ATP1A4: variants seen among roughly 807,000 people sequenced by gnomAD.
ATP1A4 encodes sodium/potassium-transporting ATPase subunit alpha-4.
In ATP1A4, 90 loss-of-function variants were observed where a neutral mutation model predicts 114.3. The ratio of observed to expected loss-of-function variants is 0.79; its 90% CI spans 0.66 to 0.94. The LOEUF is 0.94. Among genes scored for constraint, ATP1A4 ranks in the 40% least tolerant of loss-of-function variants. The pLI is 0.00. For synonymous variants in ATP1A4, 511 were observed against 494.1 expected (o/e 1.03, Z -0.45); for missense variants, 1,222 against 1,313.6 (o/e 0.93, Z 1.08).
At chr1:160,162,506 G>A (rs540366668) in intron 6 of ATP1A4, among the ~76,000 whole-genome samples, 1 of 152,192 alleles carries the variant, frequency 6.6e-6, no homozygotes, top group Non-Finnish European at 1.5e-5. Flanking sequence ...CAGGGAGGGG[G>A]CGCAAGTTAC....
At chr1:160,171,486 G>T (rs565871378) in intron 11 of ATP1A4, 46 bp downstream of exon 11, 1 of 1,607,014 alleles carries the variant, frequency 6.2e-7, no homozygotes, top group Non-Finnish European at 8.5e-7. Context: ...CATCAAAATG[G>T]TTATTATCCC....
chr1:160,153,529 T>C (rs1652531489), intron 2 of ATP1A4, among the ~76,000 whole-genome samples: 1 of 152,256 alleles, frequency 6.6e-6, no homozygotes. Context: ...GAACTTGTGC[T>C]TATGTGGCTT....
In ATP1A4 at chr1:160,152,122, A is replaced by G. The variant is rs967132042; in HGVS notation, c.82A>G (p.Lys28Glu). The G allele has an allele frequency of 1.2e-6, 2 of 1,612,862 alleles. No individual in the cohort carries two copies. The highest frequency in any genetic ancestry group is 1.3e-5 in the African/African-American group (1 of 74,870). Residue 28 changes from lysine (K) to glutamate (E), a missense_variant, in exon 1 of 22, where the codon AAA (lysine) becomes GAA (glutamate). Physicochemically the swap from Lys to Glu is moderately conservative, Grantham distance 56. Transcript: ENST00000368081. ...RRRPKKGLIK[K>E]KMVKREKQKR... ...AAGACCTAAAAAAGGGCTTATCAAG[A>G]AAAAAATGGTGAAGAGGGAAAAACA...
At chr1:160,160,457 T>G (rs1010521194) in intron 6 of ATP1A4, among the ~76,000 whole-genome samples, 1 of 152,202 alleles carries the variant, frequency 6.6e-6, no homozygotes, top group South Asian at 2.1e-4. Flanking sequence ...CCTCAAGTGA[T>G]CTGCCCTCCT....
At chr1:160,163,497 G>A (rs979030647) in intron 6 of ATP1A4, among the ~76,000 whole-genome samples, 1 of 152,044 alleles carries the variant, frequency 6.6e-6, no homozygotes, top group African/African-American at 2.4e-5. Context: ...ACCTTACTTA[G>A]GTTTACCCAT....
At chr1:160,177,876 T>G (rs1037749498) in intron 18 of ATP1A4, among the ~76,000 whole-genome samples, 2 of 152,244 alleles carry the variant, frequency 1.3e-5, no homozygotes, top group African/African-American at 4.8e-5. Flanking sequence ...AGGCTCATTC[T>G]GGTTGGCTCC....
Position 160,163,719 on chromosome 1 carries a change from G to A in ATP1A4, c.779-437G>A, listed in dbSNP as rs548005068. Among the ~76,000 whole-genome samples, 16 of 152,104 alleles carry A rather than the reference G, an allele frequency of 1.1e-4. No homozygotes were observed. The South Asian group carries it at 2.7e-3, about 26-fold the overall frequency. On this transcript the variant is annotated intron_variant, in intron 6 of 21. Coordinates refer to ENST00000368081, the MANE Select transcript of ATP1A4 (RefSeq NM_144699.4). Reference sequence around the variant, plus strand: ...GAGATTTCATTACATAGGTATAATCGGTTACATTATTAGCCATTGGTGATC... The same window carrying A: ...GAGATTTCATTACATAGGTATAATCAGTTACATTATTAGCCATTGGTGATC...
chr1:160,166,574 T>C lies in ATP1A4; in HGVS notation c.1094T>C (p.Leu365Pro). ...AAGCGCATGGCGCGGAAGAACTGCC[T>C]GGTGAAGAACCTGGAGGCGGTGGAG... ...TAKRMARKNCLVKNLEAVETL... is the reference protein window; with the variant it reads ...TAKRMARKNCPVKNLEAVETL... Residue 365 changes from leucine (L) to proline (P), a missense_variant, in exon 8 of 22, where the codon CTG (leucine) becomes CCG (proline). Leu to Pro is a moderately conservative substitution (Grantham distance 98). Transcript: ENST00000368081. 1 of 1,614,270 alleles carries C rather than the reference T, an allele frequency of 6.2e-7. No individual in the cohort carries two copies. Among genetic ancestry groups the C allele is most frequent in the Non-Finnish European group, 8.5e-7 (1 of 1,180,048 alleles).
chr1:160,185,560 T>A (rs933366984), intron 20 of ATP1A4, among the ~76,000 whole-genome samples: 1 of 151,014 alleles, frequency 6.6e-6, no homozygotes, highest in South Asian at 2.1e-4. Context: ...CTGAGGCGGG[T>A]GGACTGCCTG....
rs1360530867 is a variant in ATP1A4 at position 160,159,441 on chromosome 1, A to G, written c.693A>G (p.Glu231=). 2.5e-6 allele frequency: 4 copies of G among 1,613,482 alleles called. No individual in the cohort carries two copies. Among genetic ancestry groups the G allele is most frequent in the East Asian group, 2.2e-5 (1 of 44,872 alleles). Residue 231 remains glutamate (E), a synonymous_variant, in exon 6 of 22, where the codon GAA becomes GAG. Coordinates refer to ENST00000368081, the MANE Select transcript of ATP1A4 (RefSeq NM_144699.4). ...ACTCATCCTTGACTGGGGAGTCAGA[A>G]CCCCAGAGCCGCTCCCCTGACTTCA... ...VDNSSLTGES[E]PQSRSPDFTH...
At chr1:160,183,987 C>G (rs954582755) in intron 20 of ATP1A4, among the ~76,000 whole-genome samples, 1 of 141,634 alleles carries the variant, frequency 7.1e-6, no homozygotes, top group Non-Finnish European at 1.5e-5. Context: ...GAGTGTCACT[C>G]TGTTGCCCAG....
At chr1:160,179,432 AT>A (rs1334151780) in intron 18 of ATP1A4, among the ~76,000 whole-genome samples, 1 of 152,234 alleles carries the variant, frequency 6.6e-6, no homozygotes, top group African/African-American at 2.4e-5. Flanking sequence ...AAAGTTAAGA[AT>A]TCCCCCCTGC....
At chr1:160,176,732 C>A in intron 17 of ATP1A4, 130 bp downstream of exon 17, 1 of 1,221,716 alleles carries the variant, frequency 8.2e-7, no homozygotes, top group Non-Finnish European at 1.1e-6. Flanking sequence ...CCTGAAAACA[C>A]AAAGAACCAC....
chr1:160,180,308 A>G (rs936459549), intron 18 of ATP1A4, among the ~76,000 whole-genome samples: 1 of 152,130 alleles, frequency 6.6e-6, no homozygotes, highest in African/African-American at 2.4e-5. Flanking sequence ...GGGGTTTGAT[A>G]TGTAGTATTT....
chr1:160,162,392 G>C (rs1191443427), intron 6 of ATP1A4, among the ~76,000 whole-genome samples: 2 of 152,250 alleles, frequency 1.3e-5, no homozygotes, highest in African/African-American at 4.8e-5. Flanking sequence ...CTTCTGACTG[G>C]GGCAGTGCTG....
intron 20 of ATP1A4, among the ~76,000 whole-genome samples, chr1:160,186,020 G>A (rs192352456): frequency 1.9e-4 from 28 of 144,960 alleles, no homozygotes; most frequent in African/African-American, 6.6e-4. Context: ...GCTTAAATCC[G>A]GGAGGCAGAG....
chr1:160,176,010 G>T, intron 15 of ATP1A4, 82 bp from the exon 16 acceptor site: 1 of 1,419,678 alleles, frequency 7.0e-7, no homozygotes, highest in Admixed American at 1.7e-5. Flanking sequence ...ACTTCTTTGA[G>T]GTGGCCTGTC....
chr1:160,152,291 A>G (rs540104063), intron 1 of ATP1A4, 104 bp downstream of exon 1: 21 of 1,302,108 alleles, frequency 1.6e-5, no homozygotes, highest in Non-Finnish European at 2.1e-5. Context: ...CCAGAGCCAC[A>G]TCTCTTCTCT....
At chr1:160,165,587 G>T (rs149667190) in intron 7 of ATP1A4, among the ~76,000 whole-genome samples, 16 of 151,878 alleles carry the variant, frequency 1.1e-4, no homozygotes, top group Non-Finnish European at 1.2e-4. Context: ...GTGAAACCCC[G>T]TCTCTACTAA....
Sources: allele counts gnomAD v4.1 joint callset (sites outside exome capture counted in the v4.1 genomes callset), GRCh38; gene constraint gnomAD v4.1.1; transcripts MANE v1.5; gene names NCBI Gene and HGNC (gene_info 2026-07-23, HGNC 2026-07-21).